The following TENM4 variants were observed in gnomAD, a reference collection of about 807,000 sequenced individuals.
The protein encoded by TENM4 is teneurin transmembrane protein 4.
In TENM4, 82 loss-of-function variants were observed where a neutral mutation model predicts 243.3. The ratio of observed to expected loss-of-function variants is 0.34; its 90% CI spans 0.28 to 0.40. TENM4 has a LOEUF of 0.40. Ranked by LOEUF, TENM4 falls within the 10% of genes least tolerant of loss-of-function variation. The probability of loss-of-function intolerance (pLI) is 1.00; values close to 1 mark genes in which losing one functional copy is unlikely to be tolerated. For missense variants in TENM4, 3,138 were observed against 3,673.3 expected (o/e 0.85, Z 3.77); for synonymous variants, 1,412 against 1,456.3 (o/e 0.97, Z 0.69).
intron 1 of TENM4, among the ~76,000 whole-genome samples, chr11:79,383,083 G>A (rs1330229586): frequency 6.6e-6 from 1 of 152,124 alleles, no homozygotes; most frequent in Non-Finnish European, 1.5e-5. Flanking sequence ...TTTCTGCCCT[G>A]CTCTGTGCCC....
Position 78,903,344 on chromosome 11 carries a change from G to T in TENM4, c.673C>A (p.Pro225Thr). The T allele has an allele frequency of 6.8e-7, 1 of 1,479,042 alleles. No individual in the cohort carries two copies. The highest frequency in any genetic ancestry group is 9.0e-7 in the Non-Finnish European group (1 of 1,116,080). 91.6% of individuals were successfully genotyped at this position (1,479,042 alleles called of 1,614,324 possible). Residue 225 changes from proline (P) to threonine (T), a missense_variant, in exon 7 of 34, where the codon CCT becomes ACT. By Grantham distance (38) the Pro-to-Thr change is conservative (BLOSUM62 -1). This residue lies in a region of TENM4 where 671 missense variants were observed against 614.1 expected (regional missense o/e 1.09). Transcript: ENST00000278550. ...PTDHSLSGEP[P>T]AGGAQEPAHA... ...GCAGGCTCCTGGGCGCCGCCGGCAG[G>T]GGGCTCTCCGGAGAGCGAGTGGTCC...
At chr11:79,096,965 C>A in intron 4 of TENM4, 1 of 152,010 alleles carries the variant, frequency 6.6e-6, no homozygotes. Flanking sequence ...CACACACACC[C>A]TTCATGTGGT....
chr11:79,172,965 T>C (rs923200474), intron 3 of TENM4, among the ~76,000 whole-genome samples: 2 of 152,232 alleles, frequency 1.3e-5, no homozygotes, highest in Non-Finnish European at 2.9e-5. Flanking sequence ...TTCATACTTG[T>C]CCTTCTTATA....
rs553353166 is a variant in TENM4 at position 78,730,626 on chromosome 11, C to G, written c.3139-983G>C. On this transcript the variant is annotated intron_variant, in intron 21 of 33. Transcript: ENST00000278550. ...ATGAATGCCAGCATGCCCAAGCAGA[C>G]AGCAAAAGCAGATAACTTTATCAGC... Among the ~76,000 whole-genome samples the G allele has an allele frequency of 4.6e-5, 7 of 152,326 alleles. No homozygotes were observed. In the South Asian group the frequency reaches 1.2e-3, roughly 27 times the overall value.
intron 6 of TENM4, among the ~76,000 whole-genome samples, chr11:78,919,501 C>A (rs1373417976): frequency 1.3e-5 from 2 of 152,104 alleles, no homozygotes; most frequent in Non-Finnish European, 2.9e-5. Flanking sequence ...CAATCAGAGG[C>A]AATCACAAGA....
At position 78,704,629 on chromosome 11, in the gene TENM4, G is replaced by A. The variant is rs957269753; in HGVS notation, c.4210-2226C>T. The stretch of plus-strand genomic sequence containing the variant: ...TAAGCACAGTGGGATACCAATTGGG[G>A]AAAAATATAAGAAGTTTAGCTAGAT... On this transcript the variant is annotated intron_variant, in intron 27 of 33. Coordinates refer to ENST00000278550, the MANE Select transcript of TENM4 (RefSeq NM_001098816.3). 3.9e-5 allele frequency among the ~76,000 whole-genome samples: 6 copies of A among 152,106 alleles called. No individual in the cohort carries two copies. The East Asian group carries it at 1.2e-3, about 29-fold the overall frequency.
chr11:78,804,316 G>A (rs959799926), intron 15 of TENM4, among the ~76,000 whole-genome samples: 29 of 152,114 alleles, frequency 1.9e-4, no homozygotes, highest in African/African-American at 4.3e-4. Flanking sequence ...CACACTCTAC[G>A]AAGGCAGGGG....
In TENM4 at chr11:79,017,103, T is replaced by C. The variant is rs190822127; in HGVS notation, c.493+47635A>G. 4.6e-5 allele frequency among the ~76,000 whole-genome samples: 7 copies of C among 152,290 alleles called. No homozygotes were observed. The East Asian group carries it at 1.4e-3, about 29-fold the overall frequency. On this transcript the variant is annotated intron_variant, in intron 6 of 33. Coordinates refer to ENST00000278550, the MANE Select transcript of TENM4 (RefSeq NM_001098816.3). ...TTAAGTGGGCTGCATTGAGGTCAGG[T>C]GACGAGAATGATGGAGGAGATCAAT...
rs1483970151 is a variant in TENM4 at position 78,814,280 on chromosome 11, TG to T, written c.1783+13del. 1 of 1,547,700 alleles carries T rather than the reference TG, an allele frequency of 6.5e-7. No homozygotes were observed. Among genetic ancestry groups the T allele is most frequent in the Non-Finnish European group, 8.7e-7 (1 of 1,144,638 alleles). ...GGGAAGCAGAAATCCAGAGCTCCAATGCAGAGTTCTCACCTCTGCCACAGTC... is the reference window on the plus strand; with the variant it reads ...GGGAAGCAGAAATCCAGAGCTCCAATCAGAGTTCTCACCTCTGCCACAGTC... On this transcript the variant is annotated intron_variant, in intron 13 of 33. Coordinates refer to ENST00000278550, the MANE Select transcript of TENM4 (RefSeq NM_001098816.3).
intron 1 of TENM4, among the ~76,000 whole-genome samples, chr11:79,409,938 C>T (rs1012380041): frequency 6.6e-6 from 1 of 152,158 alleles, no homozygotes; most frequent in Non-Finnish European, 1.5e-5. Flanking sequence ...TTAAATTACC[C>T]TCTGTTTACA....
At chr11:79,178,398 G>C (rs1054387027) in intron 3 of TENM4, among the ~76,000 whole-genome samples, 1 of 152,102 alleles carries the variant, frequency 6.6e-6, no homozygotes, top group Non-Finnish European at 1.5e-5. Flanking sequence ...GATCTCCCAG[G>C]GAGTGTAGAA....
intron 4 of TENM4, among the ~76,000 whole-genome samples, chr11:79,121,526 G>A (rs1414317173): frequency 2.6e-5 from 4 of 152,166 alleles, no homozygotes; most frequent in East Asian, 1.9e-4. Flanking sequence ...ACCATGCGGC[G>A]GAGTAGCCCA....
At chr11:78,854,844 T>C (rs1031316782) in intron 11 of TENM4, among the ~76,000 whole-genome samples, 3 of 152,232 alleles carry the variant, frequency 2.0e-5, no homozygotes, top group Non-Finnish European at 4.4e-5. Flanking sequence ...TGGTTCTTTC[T>C]GAATGTTCTA....
chr11:79,070,095 C>T lies in TENM4; in HGVS notation c.-65-86G>A, dbSNP rs374306264. The T allele has an allele frequency of 3.5e-6, 5 of 1,422,878 alleles. No homozygotes were observed. In the South Asian group the frequency reaches 6.0e-5, roughly 17 times the overall value. The allele number at this position is 1,422,878 out of a possible 1,614,324, so 88.1% of individuals were successfully genotyped here. On this transcript the variant is annotated intron_variant, in intron 4 of 33. Coordinates refer to ENST00000278550, the MANE Select transcript of TENM4 (RefSeq NM_001098816.3). The stretch of plus-strand genomic sequence containing the variant: ...TGGTCCTGGATTCACCCTTGCAGCC[C>T]TGTGGACAGAGAACCCCAGGCAGTG...
chr11:79,246,354 A>T (rs999354281), intron 2 of TENM4, among the ~76,000 whole-genome samples: 1 of 152,228 alleles, frequency 6.6e-6, no homozygotes, highest in Non-Finnish European at 1.5e-5. Flanking sequence ...AAGACAAGTC[A>T]GCAAACTTTG....
chr11:79,055,041 T>G (rs1859907110), intron 6 of TENM4, among the ~76,000 whole-genome samples: 1 of 150,954 alleles, frequency 6.6e-6, no homozygotes, highest in East Asian at 2.0e-4. Context: ...GCAGGAGAAT[T>G]GCTTGAACCC....
chr11:79,337,790 T>C (rs1329740923), intron 1 of TENM4, among the ~76,000 whole-genome samples: 4 of 152,180 alleles, frequency 2.6e-5, no homozygotes, highest in Non-Finnish European at 5.9e-5. Context: ...CAGCCATCCT[T>C]GCCAGAGTGG....
At chr11:78,761,247 CT>C (rs551895259) in intron 18 of TENM4, among the ~76,000 whole-genome samples, 15 of 146,230 alleles carry the variant, frequency 1.0e-4, no homozygotes, top group African/African-American at 1.8e-4. Flanking sequence ...TTTTCTTTTT[CT>C]TTTTTTTTTG....
intron 3 of TENM4, among the ~76,000 whole-genome samples, chr11:79,172,531 C>T (rs189737789): frequency 2.0e-5 from 3 of 152,320 alleles, no homozygotes; most frequent in Admixed American, 1.3e-4. Context: ...TCAGCAAATC[C>T]TGCTAACCCT....
Sources: gnomAD v4.1 joint callset for allele counts (sites outside exome capture counted in the v4.1 genomes callset) on GRCh38, gnomAD v4.1.1 for gene constraint, gnomAD v4.1.1 regional missense constraint, MANE v1.5 for transcripts, NCBI Gene and HGNC (gene_info 2026-07-23, HGNC 2026-07-21) for gene names.